Variants in ARMH3 observed in about 807,000 individuals in gnomAD.
ARMH3 encodes armadillo like helical domain containing 3, also known as armadillo-like helical domain-containing protein 3.
In ARMH3, 60 loss-of-function variants were observed where a neutral mutation model predicts 99.1. The ratio of observed to expected loss-of-function variants is 0.61; its 90% CI spans 0.49 to 0.75. The LOEUF (loss-of-function observed/expected upper bound fraction) is 0.75. ARMH3 is among the 30% of genes least tolerant of loss of function. The pLI, the probability that ARMH3 is intolerant of heterozygous loss-of-function variation, is 0.00. For missense variants in ARMH3, 679 were observed against 843.1 expected, an observed-to-expected ratio of 0.81 and a Z score of 2.41; for synonymous variants, 285 against 292.8, an observed-to-expected ratio of 0.97 and a Z score of 0.27.
intron 24 of ARMH3, among the ~76,000 whole-genome samples, chr10:101,870,468 TG>T (rs1236376339): frequency 1.3e-5 from 2 of 152,180 alleles, no homozygotes; most frequent in East Asian, 3.8e-4. Context: ...GGGTTATACA[TG>T]TGATAAAGCA....
rs1348671682 is a variant in ARMH3, at chr10:101,845,754, C to A, written c.*1774G>T. On this transcript the variant is annotated 3_prime_UTR_variant, in exon 26 of 26. Coordinates refer to ENST00000370033, the MANE Select transcript of ARMH3 (RefSeq NM_024541.3). ...GACCCAGCCTGTGATCTCTTAAGAA[C>A]CTACATCTACACATGGCAGCCTGTT... The A allele has an allele frequency of 6.6e-6, 1 of 152,234 alleles. No individual in the cohort carries two copies. Among genetic ancestry groups the A allele is most frequent in the Non-Finnish European group, 1.5e-5 (1 of 68,060 alleles). The allele number at this position is 152,234 out of a possible 1,614,324, so 9.4% of individuals were successfully genotyped here. A position where few individuals can be genotyped will look rare whatever the true frequency, so the allele number is the denominator to read the frequency against.
intron 5 of ARMH3, among the ~76,000 whole-genome samples, chr10:102,028,925 G>A (rs971502811): frequency 6.6e-6 from 1 of 152,178 alleles, no homozygotes; most frequent in African/African-American, 2.4e-5. Flanking sequence ...AGCCTGGAGT[G>A]CAGTGGCATG....
intron 1 of ARMH3, among the ~76,000 whole-genome samples, chr10:102,041,970 A>G (rs1050574094): frequency 6.6e-6 from 1 of 152,160 alleles, no homozygotes; most frequent in Middle Eastern, 3.2e-3. Context: ...TTACTAAGAC[A>G]TATCTCTACT....
intron 18 of ARMH3, 24 bp from the exon 19 acceptor site, chr10:101,990,635 TG>T: frequency 2.6e-6 from 4 of 1,566,282 alleles, no homozygotes; most frequent in Non-Finnish European, 2.6e-6. Context: ...AGAGAAAAAC[TG>T]GATCAATTAC....
At chr10:101,963,419 G>A (rs1309765814) in intron 20 of ARMH3, among the ~76,000 whole-genome samples, 1 of 151,886 alleles carries the variant, frequency 6.6e-6, no homozygotes, top group African/African-American at 2.4e-5. Flanking sequence ...TTACAGGTGT[G>A]AGCCACCGTG....
chr10:101,869,989 C>T (rs931076491), intron 24 of ARMH3, among the ~76,000 whole-genome samples: 4 of 152,098 alleles, frequency 2.6e-5, no homozygotes, highest in African/African-American at 4.8e-5. Flanking sequence ...GCAGAGATTG[C>T]GCCACTGCAC....
At position 101,976,247 on chromosome 10, in the gene ARMH3, G is replaced by A. The variant is rs1009373898; in HGVS notation, c.1407-947C>T. On this transcript the variant is annotated intron_variant, in intron 19 of 25. Coordinates refer to ENST00000370033, the MANE Select transcript of ARMH3 (RefSeq NM_024541.3). The stretch of plus-strand genomic sequence containing the variant: ...CCCAGCTACTCAGGAGGCTGAGGCA[G>A]GAGAATCGCTTGAACCTAGGAAGCA... 2.7e-5 allele frequency among the ~76,000 whole-genome samples: 4 copies of A among 149,740 alleles called. 1 individual carries two copies. Among genetic ancestry groups the A allele is most frequent in the Non-Finnish European group, 4.4e-5 (3 of 67,566 alleles).
Position 101,847,394 on chromosome 10 carries a change from C to A in ARMH3, c.*134G>T. The A allele has an allele frequency of 1.2e-6, 1 of 835,102 alleles. No homozygotes were observed. The highest frequency in any genetic ancestry group is 2.0e-6 in the Non-Finnish European group (1 of 508,148). The allele number at this position is 835,102 out of a possible 1,614,324, so 51.7% of individuals were successfully genotyped here. Reference sequence around the variant, plus strand: ...CTGCTGCCCAAGCTCCATTGAAGTGCGGTCTTCACCAAGAGAACTTGGTAT... The same window carrying A: ...CTGCTGCCCAAGCTCCATTGAAGTGAGGTCTTCACCAAGAGAACTTGGTAT... On this transcript the variant is annotated 3_prime_UTR_variant, in exon 26 of 26. Coordinates refer to ENST00000370033, the MANE Select transcript of ARMH3 (RefSeq NM_024541.3).
At chr10:101,991,935 C>T (rs1564828400) in intron 18 of ARMH3, 34 bp downstream of exon 18, 8 of 1,578,142 alleles carry the variant, frequency 5.1e-6, no homozygotes, top group Non-Finnish European at 7.0e-6. Context: ...ATCGCTGTCA[C>T]AGAACAATGT....
intron 22 of ARMH3, among the ~76,000 whole-genome samples, chr10:101,955,111 C>G (rs1313791954): frequency 6.6e-6 from 1 of 152,122 alleles, no homozygotes; most frequent in Non-Finnish European, 1.5e-5. Flanking sequence ...AGATGCAAAC[C>G]ACACTAGGGT....
intron 20 of ARMH3, among the ~76,000 whole-genome samples, chr10:101,972,952 G>A (rs1052876596): frequency 4.6e-5 from 7 of 152,166 alleles, no homozygotes; most frequent in Admixed American, 2.0e-4. Flanking sequence ...AAGACATAAC[G>A]TCAACTGACC....
chr10:102,017,885 A>AT (rs1241843340), intron 8 of ARMH3, among the ~76,000 whole-genome samples: 2 of 152,122 alleles, frequency 1.3e-5, no homozygotes, highest in African/African-American at 4.8e-5. Flanking sequence ...CCCTTCTTCC[A>AT]TATCTCTTCT....
chr10:101,968,491 A>C (rs1458980125), intron 20 of ARMH3, among the ~76,000 whole-genome samples: 1 of 152,180 alleles, frequency 6.6e-6, no homozygotes, highest in African/African-American at 2.4e-5. Context: ...CTTTGAAACT[A>C]ATATAGGCAG....
intron 24 of ARMH3, among the ~76,000 whole-genome samples, chr10:101,865,649 A>G (rs1162171251): frequency 6.6e-6 from 1 of 151,950 alleles, no homozygotes; most frequent in Non-Finnish European, 1.5e-5. Flanking sequence ...CCACCACTCC[A>G]GGCTAATTTT....
intron 25 of ARMH3, 92 bp downstream of exon 25, chr10:101,849,684 G>T: frequency 9.3e-7 from 1 of 1,073,088 alleles, no homozygotes; most frequent in Non-Finnish European, 1.4e-6. Flanking sequence ...CTCAAGTCTT[G>T]TTTTATCTGC....
intron 23 of ARMH3, among the ~76,000 whole-genome samples, chr10:101,926,662 C>T (rs1000102581): frequency 4.6e-5 from 7 of 152,156 alleles, no homozygotes; most frequent in East Asian, 1.9e-4. Flanking sequence ...CCTGTTTATA[C>T]ACTTTGTGGC....
chr10:101,855,108 C>T (rs926259044), intron 24 of ARMH3, among the ~76,000 whole-genome samples: 1 of 111,326 alleles, frequency 9.0e-6, no homozygotes, highest in Admixed American at 8.7e-5. Context: ...GCTCTTATTG[C>T]CCAGCCTGGA....
intron 4 of ARMH3, 61 bp from the exon 5 acceptor site, chr10:102,029,806 A>C (rs939449245): frequency 2.0e-6 from 3 of 1,478,700 alleles, no homozygotes; most frequent in Non-Finnish European, 2.8e-6. Context: ...GTAGACCCAC[A>C]TTGCAGCCTC....
intron 1 of ARMH3, among the ~76,000 whole-genome samples, chr10:102,045,220 C>T (rs1032924106): frequency 1.3e-5 from 2 of 151,346 alleles, no homozygotes; most frequent in African/African-American, 4.9e-5. Flanking sequence ...CTCATTCATT[C>T]GACAAATTTT....
Sources: gnomAD v4.1 joint callset for allele counts (sites outside exome capture counted in the v4.1 genomes callset) on GRCh38, gnomAD v4.1.1 for gene constraint, MANE v1.5 for transcripts, NCBI Gene and HGNC (gene_info 2026-07-23, HGNC 2026-07-21) for gene names.